Variants in NME7 observed in about 807,000 individuals in gnomAD.
NME7 encodes the protein nucleoside diphosphate kinase 7.
A neutral mutation model predicts 49.1 loss-of-function variants in NME7; 41 were observed. The ratio of observed to expected loss-of-function variants is 0.83; its 90% CI spans 0.65 to 1.08. NME7 has a LOEUF of 1.08. Ranked by LOEUF, NME7 falls within the 50% of genes least tolerant of loss-of-function variation. The pLI is 0.00. For missense variants in NME7, 423 were observed against 463.4 expected (o/e 0.91, Z 0.80); for synonymous variants, 139 against 150.6 (o/e 0.92, Z 0.56).
intron 11 of NME7, among the ~76,000 whole-genome samples, chr1:169,143,089 C>T (rs1658646032): frequency 6.6e-6 from 1 of 152,064 alleles, no homozygotes; most frequent in African/African-American, 2.4e-5. Flanking sequence ...CAACCTGACC[C>T]CCTTCAGTCC....
At chr1:169,155,154 T>C (rs1472729737) in intron 11 of NME7, among the ~76,000 whole-genome samples, 1 of 152,158 alleles carries the variant, frequency 6.6e-6, no homozygotes, top group African/African-American at 2.4e-5. Flanking sequence ...CTAGTTTACA[T>C]TCCTCTTTGA....
intron 10 of NME7, among the ~76,000 whole-genome samples, chr1:169,178,815 CTCT>C (rs1258981330): frequency 5.1e-4 from 58 of 114,826 alleles, no homozygotes; most frequent in Non-Finnish European, 9.2e-4. Flanking sequence ...TAGCTGAAAC[CTCT>C]TCTTTTTTTT....
intron 7 of NME7, among the ~76,000 whole-genome samples, chr1:169,251,548 TTTTTTTTTTTTTC>T (rs1264102249): frequency 7.0e-5 from 2 of 28,608 alleles, no homozygotes; most frequent in African/African-American, 1.1e-4. Flanking sequence ...CTCTGGTTTC[TTTTTTTTTTTTTC>T]TTTTTTTTTT....
At chr1:169,155,248 C>T (rs1659034821) in intron 11 of NME7, among the ~76,000 whole-genome samples, 1 of 152,162 alleles carries the variant, frequency 6.6e-6, no homozygotes, top group South Asian at 2.1e-4. Flanking sequence ...GTAACTTAGC[C>T]CAGTTGCTCC....
rs749635740 is a variant in NME7 at position 169,319,691 on chromosome 1, A to AT, written c.278+3425dup. Among the ~76,000 whole-genome samples the AT allele has an allele frequency of 2.1e-3, 326 of 152,254 alleles. 1 individual carries two copies. Among genetic ancestry groups the AT allele is most frequent in the Non-Finnish European group, 4.0e-3 (269 of 68,008 alleles). Reference sequence around the variant, plus strand: ...GATTATACACACAGTTGACTTCATAATTTTTCTTCTGAAAAACAGGGGGGT... The same window carrying AT: ...GATTATACACACAGTTGACTTCATAATTTTTTCTTCTGAAAAACAGGGGGGT... On this transcript the variant is annotated intron_variant, in intron 3 of 11. Transcript: ENST00000367811.
intron 3 of NME7, among the ~76,000 whole-genome samples, chr1:169,320,279 TAAAAA>T (rs1651805850): frequency 6.6e-6 from 1 of 152,184 alleles, no homozygotes; most frequent in Non-Finnish European, 1.5e-5. Flanking sequence ...AAAGAGAGGA[TAAAAA>T]TGTGAATCAA....
In NME7 at chr1:169,179,274, G is replaced by A. The variant is rs149051747; in HGVS notation, c.991-9720C>T. Among the ~76,000 whole-genome samples, 337 of 152,298 alleles carry A rather than the reference G, an allele frequency of 2.2e-3. 6 individuals carry two copies. The East Asian group carries it at 0.034, about 15-fold the overall frequency. On this transcript the variant is annotated intron_variant, in intron 10 of 11. Coordinates refer to ENST00000367811, the MANE Select transcript of NME7 (RefSeq NM_013330.5). ...CACAATGTGATACCATCTCACACCA[G>A]TCAGAATGGCTATTATTAAAAAGTC...
rs558658561 is a variant in NME7 at position 169,164,312 on chromosome 1, C to G, written c.1098+5135G>C. Among the ~76,000 whole-genome samples the G allele has an allele frequency of 3.5e-4, 53 of 152,134 alleles. No homozygotes were observed. In the East Asian group the frequency reaches 8.1e-3, roughly 23 times the overall value. ...CTCTTCCTTCCTTTCTTTCAAAAATCACTTATTGAAGAGCTTTTATATGCC... is the reference window on the plus strand; with the variant it reads ...CTCTTCCTTCCTTTCTTTCAAAAATGACTTATTGAAGAGCTTTTATATGCC... On this transcript the variant is annotated intron_variant, in intron 11 of 11. Coordinates refer to ENST00000367811, the MANE Select transcript of NME7 (RefSeq NM_013330.5).
chr1:169,154,459 T>C (rs949211537), intron 11 of NME7, among the ~76,000 whole-genome samples: 3 of 152,212 alleles, frequency 2.0e-5, no homozygotes, highest in African/African-American at 7.2e-5. Context: ...TAATTCCTCA[T>C]GTTACATTGA....
At chr1:169,133,084 T>C (rs1658294827) in intron 11 of NME7, among the ~76,000 whole-genome samples, 1 of 149,848 alleles carries the variant, frequency 6.7e-6, no homozygotes, top group African/African-American at 2.4e-5. Flanking sequence ...ACTAGACATA[T>C]GTGTTAAAAA....
At chr1:169,144,066 C>A (rs1231838416) in intron 11 of NME7, among the ~76,000 whole-genome samples, 3 of 152,112 alleles carry the variant, frequency 2.0e-5, no homozygotes, top group Non-Finnish European at 2.9e-5. Flanking sequence ...CCTTAGCTAC[C>A]TTTCCATGCT....
chr1:169,226,504 A>G (rs1234635380), intron 10 of NME7, among the ~76,000 whole-genome samples: 2 of 152,012 alleles, frequency 1.3e-5, no homozygotes, highest in Non-Finnish European at 2.9e-5. Context: ...CTCAAAACAT[A>G]GCTTGATTGT....
chr1:169,225,757 A>C (rs1272948312), intron 10 of NME7, among the ~76,000 whole-genome samples: 1 of 152,140 alleles, frequency 6.6e-6, no homozygotes, highest in Non-Finnish European at 1.5e-5. Context: ...ACCGAAAAAA[A>C]TTTTGTTAAT....
intron 1 of NME7, among the ~76,000 whole-genome samples, chr1:169,354,717 T>C (rs1332975547): frequency 1.4e-5 from 2 of 144,150 alleles, no homozygotes; most frequent in African/African-American, 5.1e-5. Context: ...TGTATACATA[T>C]ATATATACAC....
intron 3 of NME7, among the ~76,000 whole-genome samples, chr1:169,316,874 T>C (rs554472342): frequency 1.1e-4 from 16 of 152,228 alleles, no homozygotes; most frequent in African/African-American, 3.9e-4. Flanking sequence ...TAAATTTGTA[T>C]TGTTTAAGTG....
chr1:169,224,586 C>G (rs2101810748), intron 10 of NME7, among the ~76,000 whole-genome samples: 1 of 152,106 alleles, frequency 6.6e-6, no homozygotes, highest in South Asian at 2.1e-4. Context: ...TCATGTCATA[C>G]TACAATATGA....
chr1:169,212,080 A>G (rs1017049542), intron 10 of NME7, among the ~76,000 whole-genome samples: 1 of 152,140 alleles, frequency 6.6e-6, no homozygotes, highest in African/African-American at 2.4e-5. Flanking sequence ...CAAGACACAC[A>G]GTTATTCTGA....
intron 1 of NME7, among the ~76,000 whole-genome samples, chr1:169,361,822 G>A (rs1653668762): frequency 6.7e-6 from 1 of 149,958 alleles, no homozygotes; most frequent in Non-Finnish European, 1.5e-5. Context: ...AACCAGAAAA[G>A]CTATTAGGAG....
chr1:169,350,395 C>A (rs1372856226), intron 1 of NME7, among the ~76,000 whole-genome samples: 1 of 152,020 alleles, frequency 6.6e-6, no homozygotes, highest in Non-Finnish European at 1.5e-5. Context: ...CAATGCATGT[C>A]TTTGAAAGTA....
Sources: gnomAD v4.1 joint callset for allele counts (sites outside exome capture counted in the v4.1 genomes callset) on GRCh38, gnomAD v4.1.1 for gene constraint, MANE v1.5 for transcripts, NCBI Gene and HGNC (gene_info 2026-07-23, HGNC 2026-07-21) for gene names.